CELSR3: variants seen among roughly 807,000 people sequenced by gnomAD.
The protein encoded by CELSR3 is EGF-like protein 1.
CELSR3 carries 73 observed loss-of-function variants against 270.0 expected under a neutral mutation model. The ratio of observed to expected loss-of-function variants is 0.27; its 90% confidence interval spans 0.22 to 0.33. CELSR3 has a LOEUF of 0.33. Among genes scored for constraint, CELSR3 ranks in the 10% least tolerant of loss-of-function variants. The pLI is 1.00. For synonymous variants in CELSR3, 1,780 were observed against 1,905.4 expected (o/e 0.93, Z 1.71); for missense variants, 3,614 against 4,533.8 (o/e 0.80, Z 5.83).
chr3:48,640,115 G>A lies in CELSR3; in HGVS notation c.9470C>T (p.Pro3157Leu), dbSNP rs776786576. The change falls in exon 34 of 35, where the codon CCT becomes CTT. Residue 3157 changes from proline to leucine, a missense_variant. Physicochemically the swap from Pro to Leu is moderately conservative, Grantham distance 98. Around this residue, in one of 7 missense-constraint regions of CELSR3, gnomAD observed 1,240 missense variants for 1,351.7 expected, o/e 0.92. Coordinates refer to ENST00000164024, the MANE Select transcript of CELSR3 (RefSeq NM_001407.3). The surrounding 1 kb of genome is among the most constrained non-coding windows in gnomAD (Gnocchi z 7.5). ...AAGGTCCCGGGTGCGGCGGGGCGGA[G>A]GCAGCGTGCTCAACCACTCTCGAGG... ...GAPREWLSTL[P>L]PPRRTRDLDP... The A allele has an allele frequency of 6.2e-7, 1 of 1,611,824 alleles. No individual in the cohort carries two copies. The highest frequency in any genetic ancestry group is 8.5e-7 in the Non-Finnish European group (1 of 1,179,868).
rs2047160744 is a variant in CELSR3 at position 48,654,137 on chromosome 3, G to A, written c.5153-134C>T. On this transcript the variant is annotated intron_variant, in intron 7 of 34. Coordinates refer to ENST00000164024, the MANE Select transcript of CELSR3 (RefSeq NM_001407.3). This position sits in a 1 kb window ranked among gnomAD's most constrained non-coding sequence, Gnocchi z 5.4. ...CATTTCCCATTTTCTTTCGATGAGTGGGGTTGGTAAGAGTCAGGCCCTAAA... is the reference window on the plus strand; with the variant it reads ...CATTTCCCATTTTCTTTCGATGAGTAGGGTTGGTAAGAGTCAGGCCCTAAA... The A allele has an allele frequency of 1.3e-6, 2 of 1,495,248 alleles. No individual in the cohort carries two copies. Among genetic ancestry groups the A allele is most frequent in the African/African-American group, 2.8e-5 (2 of 71,442 alleles). The allele number at this position is 1,495,248 out of a possible 1,614,324, so 92.6% of individuals were successfully genotyped here. A position where few individuals can be genotyped will look rare whatever the true frequency, so the allele number is the denominator to read the frequency against.
rs1000396998 is a variant in CELSR3 at position 48,637,863 on chromosome 3, A to G, written c.*342T>C. The G allele has an allele frequency of 6.0e-6, 2 of 330,780 alleles. No individual in the cohort carries two copies. The highest frequency in any genetic ancestry group is 4.1e-5 in the African/African-American group (2 of 48,664). The allele number at this position is 330,780 out of a possible 1,614,324, so 20.5% of individuals were successfully genotyped here. Reference sequence around the variant, plus strand: ...GAGCATAGGGTTTGCTCAGGACCCAAATGGGGTCAAACTGCATCTCTCCCT... The same window carrying G: ...GAGCATAGGGTTTGCTCAGGACCCAGATGGGGTCAAACTGCATCTCTCCCT... On this transcript the variant is annotated 3_prime_UTR_variant, in exon 35 of 35. Coordinates refer to ENST00000164024, the MANE Select transcript of CELSR3 (RefSeq NM_001407.3).
rs1004928971 is a variant in CELSR3 at position 48,650,919 on chromosome 3, C to T, written c.6343G>A (p.Ala2115Thr). 9 of 1,610,944 alleles carry T rather than the reference C, an allele frequency of 5.6e-6. No homozygotes were observed. Among genetic ancestry groups the T allele is most frequent in the Admixed American group, 3.3e-5 (2 of 59,974 alleles). The change falls in exon 15 of 35, where the codon GCA (alanine) becomes ACA (threonine). Residue 2115 changes from alanine (A) to threonine (T), a missense_variant. By Grantham distance (58) the Ala-to-Thr change is moderately conservative. Around this residue, in one of 7 missense-constraint regions of CELSR3, gnomAD observed 1,331 missense variants for 1,933.7 expected, o/e 0.69. Coordinates refer to ENST00000164024, the MANE Select transcript of CELSR3 (RefSeq NM_001407.3). The surrounding 1 kb of genome is among the most constrained non-coding windows in gnomAD (Gnocchi z 5.1). ...RQCNSCDSPF[A>T]EVTASGCRVL... ...CGGCAGCCGCTGGCTGTCACCTCTG[C>T]GAAGGGACTGTCACAGCTGTTGCAC...
At position 48,662,432 on chromosome 3, in the gene CELSR3, G is replaced by A. The variant is rs200564449; in HGVS notation, c.203C>T (p.Ser68Phe). ...AGGCCCCCCATCCTCCCGGACCCCG[G>A]AAGACTCCGGACAAAGAGCTAAGGC... ...GGALALCPESSGVREDGGPGL... is the reference protein window; with the variant it reads ...GGALALCPESFGVREDGGPGL... The change falls in exon 1 of 35, where the codon TCC becomes TTC. Residue 68 changes from serine (S) to phenylalanine (F), a missense_variant. Physicochemically the swap from Ser to Phe is radical, Grantham distance 155. Around this residue, in one of 7 missense-constraint regions of CELSR3, gnomAD observed 470 missense variants for 469.7 expected, o/e 1.00. Coordinates refer to ENST00000164024, the MANE Select transcript of CELSR3 (RefSeq NM_001407.3). This position sits in a 1 kb window ranked among gnomAD's most constrained non-coding sequence, Gnocchi z 7.1. The A allele has an allele frequency of 1.2e-5, 19 of 1,612,770 alleles. No individual in the cohort carries two copies. In the Admixed American group the frequency reaches 3.2e-4, roughly 27 times the overall value.
Position 48,645,117 on chromosome 3 carries a change from C to T in CELSR3, c.7890G>A (p.Met2630Ile), listed in dbSNP as rs149614835. The T allele has an allele frequency of 2.4e-3, 3,829 of 1,606,028 alleles. 53 individuals are homozygous for T. In the Middle Eastern group the frequency reaches 0.037, roughly 16 times the overall value. The change falls in exon 25 of 35, where the codon ATG becomes ATA. Residue 2630 changes from methionine (M) to isoleucine (I), a missense_variant. By Grantham distance (10) the Met-to-Ile change is conservative. This residue lies in a region of CELSR3 where 1,240 missense variants were observed against 1,351.7 expected (regional missense o/e 0.92). Coordinates refer to ENST00000164024, the MANE Select transcript of CELSR3 (RefSeq NM_001407.3). This position sits in a 1 kb window ranked among gnomAD's most constrained non-coding sequence, Gnocchi z 5.4. ...LFVQGLHLYR[M>I]QVEPRNVDRG... is the part of the protein sequence containing the mutation. ...GGTCCACGTTGCGTGGCTCAACCTG[C>T]ATGCGGTAGAGGTGCAGCCCCTGCA...
At position 48,651,798 on chromosome 3, in the gene CELSR3, C is replaced by T; in HGVS notation, c.5923+79G>A. 6.5e-7 allele frequency: 1 copy of T among 1,540,984 alleles called. No homozygotes were observed. Among genetic ancestry groups the T allele is most frequent in the Non-Finnish European group, 8.7e-7 (1 of 1,146,592 alleles). ...AGGCACCCGTCCCGAGTCCCTGCCTCCTTCAGGTTCCCCAGTCTTCATCAT... is the reference window on the plus strand; with the variant it reads ...AGGCACCCGTCCCGAGTCCCTGCCTTCTTCAGGTTCCCCAGTCTTCATCAT... On this transcript the variant is annotated intron_variant, in intron 12 of 34. Transcript: ENST00000164024. The surrounding 1 kb of genome is among the most constrained non-coding windows in gnomAD (Gnocchi z 7.4).
chr3:48,651,106 C>T lies in CELSR3; in HGVS notation c.6187-31G>A. On this transcript the variant is annotated intron_variant, in intron 14 of 34. Coordinates refer to ENST00000164024, the MANE Select transcript of CELSR3 (RefSeq NM_001407.3). This position sits in a 1 kb window ranked among gnomAD's most constrained non-coding sequence, Gnocchi z 7.4. ...TGAGGATGGGCCAGGGGCCTGAAGT[C>T]AGAGGTCAGGGCTTGGGGAATGAGT... is the stretch of plus-strand genomic sequence containing the variant. The T allele has an allele frequency of 6.5e-7, 1 of 1,537,142 alleles. No individual in the cohort carries two copies. Among genetic ancestry groups the T allele is most frequent in the African/African-American group, 1.4e-5 (1 of 72,720 alleles).
chr3:48,642,511 G>A lies in CELSR3; in HGVS notation c.8556-44C>T, dbSNP rs1317434400. ...CCCCACCATGAAAGAGGGATGTGATGGGGTGCCTTGGAGGCTGGAGTGTCT... is the reference window on the plus strand; with the variant it reads ...CCCCACCATGAAAGAGGGATGTGATAGGGTGCCTTGGAGGCTGGAGTGTCT... On this transcript the variant is annotated intron_variant, in intron 30 of 34. Coordinates refer to ENST00000164024, the MANE Select transcript of CELSR3 (RefSeq NM_001407.3). The surrounding 1 kb of genome is among the most constrained non-coding windows in gnomAD (Gnocchi z 6.1). 1 of 1,584,934 alleles carries A rather than the reference G, an allele frequency of 6.3e-7. No homozygotes were observed. Among genetic ancestry groups the A allele is most frequent in the Admixed American group, 1.7e-5 (1 of 57,314 alleles).
intron 19 of CELSR3, 22 bp downstream of exon 19, chr3:48,648,244 C>G: frequency 7.2e-7 from 1 of 1,380,762 alleles, no homozygotes; most frequent in Non-Finnish European, 1.0e-6. Context: ...CTGTGCCCCG[C>G]CCTACCCCAC....
At position 48,642,627 on chromosome 3, in the gene CELSR3, T is replaced by G; in HGVS notation, c.8555+109A>C. On this transcript the variant is annotated intron_variant, in intron 30 of 34. Transcript: ENST00000164024. This position sits in a 1 kb window ranked among gnomAD's most constrained non-coding sequence, Gnocchi z 6.1. ...GCAGAGGCAGAAGCAGGGCCCCAGA[T>G]GGCCAAGATGGGTGGAGCCACCCGC... The G allele has an allele frequency of 6.7e-7, 1 of 1,490,530 alleles. No homozygotes were observed. 92.3% of individuals were successfully genotyped at this position (1,490,530 alleles called of 1,614,324 possible).
chr3:48,651,635 G>T lies in CELSR3; in HGVS notation c.6007C>A (p.Pro2003Thr), dbSNP rs573712670. Residue 2003 changes from proline (P) to threonine (T), a missense_variant, in exon 13 of 35, where the codon CCC becomes ACC. Physicochemically the swap from Pro to Thr is conservative, Grantham distance 38. Around this residue, in one of 7 missense-constraint regions of CELSR3, gnomAD observed 1,331 missense variants for 1,933.7 expected, o/e 0.69. Transcript: ENST00000164024. The surrounding 1 kb of genome is among the most constrained non-coding windows in gnomAD (Gnocchi z 7.4). ...ACACAGTCACAGGTATAGCCATGGGGGGCTCCTGGCAGGTGCCGGCATGAT... is the reference window on the plus strand; with the variant it reads ...ACACAGTCACAGGTATAGCCATGGGTGGCTCCTGGCAGGTGCCGGCATGAT... ...QGSCRHLPGA[P>T]HGYTCDCVGG... The T allele has an allele frequency of 1.3e-6, 2 of 1,592,220 alleles. No homozygotes were observed. The highest frequency in any genetic ancestry group is 8.6e-7 in the Non-Finnish European group (1 of 1,168,948).
In CELSR3 at chr3:48,658,843, CAGG is replaced by C; in HGVS notation, c.3748+41_3748+43del. The C allele has an allele frequency of 6.3e-7, 1 of 1,592,860 alleles. No homozygotes were observed. Among genetic ancestry groups the C allele is most frequent in the Admixed American group, 1.7e-5 (1 of 58,898 alleles). On this transcript the variant is annotated intron_variant, in intron 1 of 34. Coordinates refer to ENST00000164024, the MANE Select transcript of CELSR3 (RefSeq NM_001407.3). This position sits in a 1 kb window ranked among gnomAD's most constrained non-coding sequence, Gnocchi z 4.7. ...GCCCTGTGGAGTCCCTGAGGCCCAA[CAGG>C]TTGGTGTCACTGGGTCACTTGCCTG...
At position 48,662,303 on chromosome 3, in the gene CELSR3, A is replaced by G; in HGVS notation, c.332T>C (p.Ile111Thr). ...GCCCAATGGCTGGACGCCGTGTTCAATCCCCAGCTCCTCATTCGGCTGCTC... is the reference window on the plus strand; with the variant it reads ...GCCCAATGGCTGGACGCCGTGTTCAGTCCCCAGCTCCTCATTCGGCTGCTC... ...PPEQPNEELGIEHGVQPLGSR... is the reference protein window; with the variant it reads ...PPEQPNEELGTEHGVQPLGSR... Residue 111 changes from isoleucine to threonine, a missense_variant, in exon 1 of 35, where the codon ATT becomes ACT. Physicochemically the swap from Ile to Thr is moderately conservative, Grantham distance 89 (BLOSUM62 -1). Coordinates refer to ENST00000164024, the MANE Select transcript of CELSR3 (RefSeq NM_001407.3). The surrounding 1 kb of genome is among the most constrained non-coding windows in gnomAD (Gnocchi z 7.1). The G allele has an allele frequency of 6.2e-7, 1 of 1,613,038 alleles. No homozygotes were observed. The highest frequency in any genetic ancestry group is 8.5e-7 in the Non-Finnish European group (1 of 1,180,012).
At chr3:48,643,360 G>A in intron 28 of CELSR3, 194 bp downstream of exon 28, 1 of 767,072 alleles carries the variant, frequency 1.3e-6, no homozygotes, top group South Asian at 1.9e-5. Flanking sequence ...TCTGGGATCA[G>A]TGCCTAAGTT....
rs2106699883 is a variant in CELSR3, at chr3:48,643,025, A to G, written c.8348T>C (p.Met2783Thr). Residue 2783 changes from methionine to threonine, a missense_variant, in exon 29 of 35, where the codon ATG becomes ACG. Met to Thr is a moderately conservative substitution (Grantham distance 81). Transcript: ENST00000164024. ...TGCCTTCCTGCCCAGACAGGCTGGCATCCAGGCAGCCCGAGCATCTGCATT... is the reference window on the plus strand; with the variant it reads ...TGCCTTCCTGCCCAGACAGGCTGGCGTCCAGGCAGCCCGAGCATCTGCATT... ...VLNADARAAW[M>T]PACLGRKAAP... The G allele has an allele frequency of 6.2e-7, 1 of 1,612,902 alleles. No homozygotes were observed. Among genetic ancestry groups the G allele is most frequent in the Non-Finnish European group, 8.5e-7 (1 of 1,179,958 alleles).
In CELSR3 at chr3:48,645,856, ATGC is replaced by A; in HGVS notation, c.7473_7475del (p.Gln2491del). On this transcript the variant is annotated inframe_deletion, in exon 23 of 35. Coordinates refer to ENST00000164024, the MANE Select transcript of CELSR3 (RefSeq NM_001407.3). This position sits in a 1 kb window ranked among gnomAD's most constrained non-coding sequence, Gnocchi z 5.4. ...CGCAGTCCCGTGCTGTCCACACACCATGCTGCTCCGCCCTGCAGCCACAGGGCA... is the reference window on the plus strand; with the variant it reads ...CGCAGTCCCGTGCTGTCCACACACCATGCTCCGCCCTGCAGCCACAGGGCA... 6.2e-7 allele frequency: 1 copy of A among 1,601,958 alleles called. No individual in the cohort carries two copies. The highest frequency in any genetic ancestry group is 8.5e-7 in the Non-Finnish European group (1 of 1,173,180).
rs777523865 is a variant in CELSR3, at chr3:48,651,361, T to C, written c.6184A>G (p.Lys2062Glu). 3.1e-6 allele frequency: 5 copies of C among 1,613,876 alleles called. No homozygotes were observed. The South Asian group carries it at 5.5e-5, about 18-fold the overall frequency. ...CNKTNGQCHC[K>E]EFHYRPRGSD... ...AAAAGGTCAGGGGCCAGGCGCACCT[T>C]GCAGTGACACTGCCCATTTGTCTTG... Residue 2062 changes from lysine (K) to glutamate (E), a missense_variant and splice_region_variant, in exon 14 of 35, where the codon AAG becomes GAG. By Grantham distance (56) the Lys-to-Glu change is moderately conservative. Transcript: ENST00000164024. This position sits in a 1 kb window ranked among gnomAD's most constrained non-coding sequence, Gnocchi z 7.4.
In CELSR3 at chr3:48,661,579, C is replaced by T. The variant is rs1219625632; in HGVS notation, c.1056G>A (p.Pro352=). 6.2e-7 allele frequency: 1 copy of T among 1,609,356 alleles called. No individual in the cohort carries two copies. Among genetic ancestry groups the T allele is most frequent in the Admixed American group, 1.7e-5 (1 of 59,694 alleles). ...CTAGGCGCCCGGCCTCGCCGGCGTCCGGGTCCTGAGCAACCACGCGTAGCA... is the reference window on the plus strand; with the variant it reads ...CTAGGCGCCCGGCCTCGCCGGCGTCTGGGTCCTGAGCAACCACGCGTAGCA... ...TAVLRVVAQD[P]DAGEAGRLVY... is the part of the protein sequence containing the mutation. Residue 352 remains proline, a synonymous_variant, in exon 1 of 35, where the codon CCG becomes CCA. Coordinates refer to ENST00000164024, the MANE Select transcript of CELSR3 (RefSeq NM_001407.3).
At chr3:48,638,297 TC>T in intron 34 of CELSR3, 65 bp from the exon 35 acceptor site, 2 of 1,234,046 alleles carry the variant, frequency 1.6e-6, no homozygotes, top group Non-Finnish European at 2.4e-6. Context: ...GGCTCTGGAC[TC>T]CCCCACCACA....
Sources: gnomAD v4.1 joint callset for allele counts on GRCh38, gnomAD v4.1.1 for gene constraint, gnomAD v4.1.1 regional missense constraint, Gnocchi (gnomAD v3.1) non-coding constraint, MANE v1.5 for transcripts, NCBI Gene and HGNC (gene_info 2026-07-23, HGNC 2026-07-21) for gene names.